RSPRY1: variants seen among roughly 807,000 people sequenced by gnomAD.
RSPRY1 encodes the protein ring finger and SPRY domain containing 1.
Under a neutral mutation model 73.1 loss-of-function variants are expected in RSPRY1, and 23 were observed. The observed-to-expected ratio is 0.31, with a 90% CI of 0.23 to 0.45. RSPRY1 has a LOEUF of 0.45. Ranked by LOEUF, RSPRY1 falls within the 20% of genes least tolerant of loss-of-function variation. RSPRY1 has a pLI of 1.00. For missense variants in RSPRY1, 448 were observed against 698.7 expected (o/e 0.64, Z 4.05); for synonymous variants, 226 against 251.4 (o/e 0.90, Z 0.95).
At chr16:57,208,745 C>G (rs1277171707) in intron 3 of RSPRY1, among the ~76,000 whole-genome samples, 1 of 152,116 alleles carries the variant, frequency 6.6e-6, no homozygotes, top group African/African-American at 2.4e-5. Flanking sequence ...ATTCTGAAAA[C>G]AAAGCCAACT....
chr16:57,235,536 G>A (rs1228102216), intron 14 of RSPRY1, among the ~76,000 whole-genome samples: 1 of 152,160 alleles, frequency 6.6e-6, no homozygotes, highest in African/African-American at 2.4e-5. Context: ...CTTATTTACA[G>A]TCAACCATTG....
chr16:57,189,504 TAAAAA>T (rs750796926), intron 1 of RSPRY1, among the ~76,000 whole-genome samples: 1 of 138,016 alleles, frequency 7.2e-6, no homozygotes. Flanking sequence ...GCCTGGAGGC[TAAAAA>T]AAAAAAAAGT....
rs537642168 is a variant in RSPRY1, at chr16:57,236,336, G to T, written c.1634+1108G>T. On this transcript the variant is annotated intron_variant, in intron 14 of 14. Transcript: ENST00000394420. ...CTGAAATATAAAACTTTAGAACTAGGTATCTTAAGTATGATCATAGTCTCC... is the reference window on the plus strand; with the variant it reads ...CTGAAATATAAAACTTTAGAACTAGTTATCTTAAGTATGATCATAGTCTCC... Among the ~76,000 whole-genome samples, 9 of 152,186 alleles carry T rather than the reference G, an allele frequency of 5.9e-5. No homozygotes were observed. The South Asian group carries it at 1.7e-3, about 28-fold the overall frequency.
chr16:57,218,377 A>G (rs530546898), intron 8 of RSPRY1, among the ~76,000 whole-genome samples: 3 of 152,294 alleles, frequency 2.0e-5, no homozygotes, highest in African/African-American at 7.2e-5. Context: ...ATTTTTAAAT[A>G]TACTATAAAT....
intron 1 of RSPRY1, among the ~76,000 whole-genome samples, chr16:57,196,804 A>G (rs2074455399): frequency 6.6e-6 from 1 of 152,206 alleles, no homozygotes; most frequent in Non-Finnish European, 1.5e-5. Flanking sequence ...CTGATTAGAT[A>G]TGTGCTCATT....
chr16:57,199,179 A>T (rs560251640), intron 1 of RSPRY1, among the ~76,000 whole-genome samples: 4 of 152,210 alleles, frequency 2.6e-5, no homozygotes, highest in African/African-American at 4.8e-5. Flanking sequence ...AGCAATATTT[A>T]TGGCTTCATT....
Position 57,205,015 on chromosome 16 carries a change from A to G in RSPRY1, c.350+7A>G. The G allele has an allele frequency of 6.2e-7, 1 of 1,602,272 alleles. No homozygotes were observed. The highest frequency in any genetic ancestry group is 8.5e-7 in the Non-Finnish European group (1 of 1,170,872). On this transcript the variant is annotated splice_region_variant and intron_variant, in intron 2 of 14. Transcript: ENST00000394420. ...TACGGACTCTTGTAGATAAGTAAGT[A>G]TCTGACTCACGGTCACCTCCAGTGG...
intron 12 of RSPRY1, 60 bp downstream of exon 12, chr16:57,230,873 GAAAA>G: frequency 1.0e-6 from 1 of 954,350 alleles, no homozygotes; most frequent in Non-Finnish European, 1.6e-6. Context: ...TTTTCTCTAG[GAAAA>G]AAAAAGTCTT....
Position 57,216,177 on chromosome 16 carries a change from G to A in RSPRY1, c.769+4G>A, listed in dbSNP as rs746390755. ...CTGGAAAAGTTTGCACAGACAAGTA[G>A]GTATAGTGACTTCTTGCACTAATGA... is the stretch of plus-strand genomic sequence containing the variant. On this transcript the variant is annotated splice_donor_region_variant and intron_variant, in intron 7 of 14. Transcript: ENST00000394420. 4 of 1,604,548 alleles carry A rather than the reference G, an allele frequency of 2.5e-6. No homozygotes were observed. The highest frequency in any genetic ancestry group is 2.6e-6 in the Non-Finnish European group (3 of 1,171,914).
chr16:57,230,252 TC>T (rs1242652048), intron 11 of RSPRY1, among the ~76,000 whole-genome samples: 8 of 152,084 alleles, frequency 5.3e-5, no homozygotes, highest in Non-Finnish European at 1.2e-4. Flanking sequence ...CCTCAGGTGA[TC>T]CGCCCGCCTT....
chr16:57,187,235 G>T (rs1418515505), intron 1 of RSPRY1, among the ~76,000 whole-genome samples: 5 of 152,164 alleles, frequency 3.3e-5, no homozygotes, highest in Non-Finnish European at 7.4e-5. Flanking sequence ...GTGGGGTGGG[G>T]AGAGTCTATC....
rs2074951694 is a variant in RSPRY1 at position 57,216,977 on chromosome 16, T to C, written c.843T>C (p.Asp281=). The C allele has an allele frequency of 6.2e-7, 1 of 1,613,964 alleles. No individual in the cohort carries two copies. The highest frequency in any genetic ancestry group is 1.1e-5 in the South Asian group (1 of 91,088). The part of the protein sequence containing the change: ...RLVTLESWAN[D]PDYLKRQVGF... ...TCACATTGGAGTCCTGGGCTAATGA[T>C]CCTGATTATCTGAAACGTCAAGTTG... The change falls in exon 8 of 15, where the codon GAT becomes GAC. Residue 281 remains aspartate, a synonymous_variant. Transcript: ENST00000394420.
At chr16:57,191,756 C>A (rs2074355928) in intron 1 of RSPRY1, among the ~76,000 whole-genome samples, 1 of 152,112 alleles carries the variant, frequency 6.6e-6, no homozygotes, top group African/African-American at 2.4e-5. Flanking sequence ...AAGATAGATT[C>A]TCTAGTCCCC....
Position 57,213,074 on chromosome 16 carries a change from G to A in RSPRY1, c.619G>A (p.Gly207Ser). Residue 207 changes from glycine (G) to serine (S), a missense_variant, in exon 5 of 15, where the codon GGC (glycine) becomes AGC (serine). Gly to Ser is a moderately conservative substitution (Grantham distance 56, BLOSUM62 0). Transcript: ENST00000394420. The stretch of plus-strand genomic sequence containing the variant: ...ACACAGGAACACATCTGCAGTCCTA[G>A]GCTGCTTGGCCGAGAAACTAGCAGG... ...AKHRNTSAVLGCLAEKLAGPA... is the reference protein window; with the variant it reads ...AKHRNTSAVLSCLAEKLAGPA... The A allele has an allele frequency of 6.2e-7, 1 of 1,613,402 alleles. No individual in the cohort carries two copies. The highest frequency in any genetic ancestry group is 1.1e-5 in the South Asian group (1 of 90,996).
intron 10 of RSPRY1, chr16:57,224,454 G>A (rs2075090357): frequency 6.6e-6 from 1 of 152,236 alleles, no homozygotes; most frequent in Admixed American, 6.5e-5. Flanking sequence ...ACAAGCTGTG[G>A]ATAAACTTTC....
At chr16:57,206,425 A>G (rs776354737) in intron 2 of RSPRY1, among the ~76,000 whole-genome samples, 8 of 152,202 alleles carry the variant, frequency 5.3e-5, no homozygotes, top group Non-Finnish European at 8.8e-5. Flanking sequence ...TTAATCAAAA[A>G]AAATTTTTTA....
intron 4 of RSPRY1, among the ~76,000 whole-genome samples, chr16:57,212,075 G>A (rs1245660708): frequency 1.3e-5 from 2 of 152,190 alleles, no homozygotes; most frequent in Non-Finnish European, 2.9e-5. Context: ...ACTTTTGGGG[G>A]CTGAAGCAGG....
chr16:57,230,005 CT>C (rs544045998), intron 11 of RSPRY1, among the ~76,000 whole-genome samples: 610 of 44,948 alleles, frequency 0.014, 5 homozygotes, highest in African/African-American at 0.044. Flanking sequence ...ACGCCCTGCC[CT>C]TTTTTTTTTT....
intron 2 of RSPRY1, chr16:57,207,804 C>A: frequency 1.9e-6 from 1 of 529,302 alleles, no homozygotes; most frequent in South Asian, 1.6e-5. Context: ...TACCCCAGGA[C>A]ACATAGTAGT....
Sources: allele counts gnomAD v4.1 joint callset (sites outside exome capture counted in the v4.1 genomes callset), GRCh38; gene constraint gnomAD v4.1.1; transcripts MANE v1.5; gene names NCBI Gene and HGNC (gene_info 2026-07-23, HGNC 2026-07-21).